IYD: variants seen among roughly 807,000 people sequenced by gnomAD.
IYD encodes iodotyrosine deiodinase.
IYD carries 25 observed loss-of-function variants against 28.4 expected under a neutral mutation model. The observed-to-expected ratio is 0.88, with a 90% CI of 0.64 to 1.23. The LOEUF is 1.23. Among genes scored for constraint, IYD ranks in the 50% most tolerant of loss-of-function variants. The pLI, the probability that IYD is intolerant of heterozygous loss-of-function variation, is 0.00. For synonymous variants in IYD, 140 were observed against 130.8 expected (o/e 1.07, Z -0.48); for missense variants, 352 against 357.9 (o/e 0.98, Z 0.13).
rs940865103 is a variant in IYD at position 150,401,419 on chromosome 6, C to T, written c.*3182C>T. The T allele has an allele frequency of 5.3e-5, 8 of 152,168 alleles. No individual in the cohort carries two copies. The highest frequency in any genetic ancestry group is 3.4e-3 in the Middle Eastern group (1 of 294). The allele number at this position is 152,168 out of a possible 1,614,324, so 9.4% of individuals were successfully genotyped here. On this transcript the variant is annotated 3_prime_UTR_variant, in exon 5 of 5. Transcript: ENST00000344419. ...AGAGGAAGGAAGCCCTTGGAAGGAA[C>T]GTAAAATCCATTTCAGCCTGCCGCC...
intron 1 of IYD, chr6:150,369,844 C>T: frequency 1.6e-6 from 1 of 638,870 alleles, no homozygotes. Context: ...GCTGGGAGGC[C>T]TGTCAGGCAA....
chr6:150,373,774 A>G (rs117270228), intron 1 of IYD, among the ~76,000 whole-genome samples: 6 of 152,328 alleles, frequency 3.9e-5, no homozygotes, highest in Non-Finnish European at 7.4e-5. Flanking sequence ...CTGCTCAGAG[A>G]GTCGAGCTTG....
Position 150,401,460 on chromosome 6 carries a change from T to A in IYD, c.*3223T>A, listed in dbSNP as rs1253257062. 1 of 151,884 alleles carries A rather than the reference T, an allele frequency of 6.6e-6. No homozygotes were observed. Among genetic ancestry groups the A allele is most frequent in the East Asian group, 1.9e-4 (1 of 5,158 alleles). 9.4% of individuals were successfully genotyped at this position (151,884 alleles called of 1,614,324 possible). On this transcript the variant is annotated 3_prime_UTR_variant, in exon 5 of 5. Coordinates refer to ENST00000344419, the MANE Select transcript of IYD (RefSeq NM_203395.3). ...GCCTGCCGCCCCTTGGAATGGAGGG[T>A]CTTCTAGGGACCAGAAACACCAGAC...
intron 1 of IYD, chr6:150,370,452 A>C: frequency 1.0e-6 from 1 of 981,294 alleles, no homozygotes; most frequent in Non-Finnish European, 1.2e-6. Flanking sequence ...TGTGTGCATG[A>C]GTGTGTGTCC....
intron 2 of IYD, 56 bp from the exon 3 acceptor site, chr6:150,392,289 G>T: frequency 6.2e-7 from 1 of 1,609,646 alleles, no homozygotes. Context: ...TCCTTAATTA[G>T]CAGTCTCACA....
rs2115070337 is a variant in IYD at position 150,400,567 on chromosome 6, AC to A, written c.*2332del. ...AAGAAGTTAATGGCATGGTGGAATAACCAAAATGTGTATCATTCTACAAAAA... is the reference window on the plus strand; with the variant it reads ...AAGAAGTTAATGGCATGGTGGAATAACAAAATGTGTATCATTCTACAAAAA... On this transcript the variant is annotated 3_prime_UTR_variant, in exon 5 of 5. Transcript: ENST00000344419. 1 of 150,306 alleles carries A rather than the reference AC, an allele frequency of 6.7e-6. No individual in the cohort carries two copies. Among genetic ancestry groups the A allele is most frequent in the South Asian group, 2.1e-4 (1 of 4,784 alleles). The allele number at this position is 150,306 out of a possible 1,614,324, so 9.3% of individuals were successfully genotyped here.
intron 1 of IYD, among the ~76,000 whole-genome samples, chr6:150,376,809 A>G (rs976268601): frequency 1.3e-5 from 2 of 152,104 alleles, no homozygotes; most frequent in African/African-American, 4.8e-5. Context: ...TTTTGTAAAG[A>G]CAGGGTCTCT....
At chr6:150,382,721 C>G (rs1271791397) in intron 1 of IYD, among the ~76,000 whole-genome samples, 3 of 152,198 alleles carry the variant, frequency 2.0e-5, no homozygotes, top group African/African-American at 7.2e-5. Context: ...TCCTCTTTAG[C>G]TGTGCCTACA....
At position 150,398,335 on chromosome 6, in the gene IYD, G is replaced by C; in HGVS notation, c.*98G>C. The stretch of plus-strand genomic sequence containing the variant: ...GGGTCTCTTGGCTGCTCTTTCTCCA[G>C]GTGTCAGGTCCCCTCATTGCTCTTC... On this transcript the variant is annotated 3_prime_UTR_variant, in exon 5 of 5. Coordinates refer to ENST00000344419, the MANE Select transcript of IYD (RefSeq NM_203395.3). 1 of 1,203,674 alleles carries C rather than the reference G, an allele frequency of 8.3e-7. No individual in the cohort carries two copies. The highest frequency in any genetic ancestry group is 1.8e-5 in the Admixed American group (1 of 55,790). 74.6% of individuals were successfully genotyped at this position (1,203,674 alleles called of 1,614,324 possible). A position where few individuals can be genotyped will look rare whatever the true frequency, so the allele number is the denominator to read the frequency against.
intron 1 of IYD, among the ~76,000 whole-genome samples, chr6:150,376,914 G>A (rs919516815): frequency 6.6e-6 from 1 of 152,106 alleles, no homozygotes; most frequent in Non-Finnish European, 1.5e-5. Flanking sequence ...GAGCCACTGG[G>A]CACATCCTAA....
At position 150,405,725 on chromosome 6, in the gene IYD, T is replaced by C. The variant is rs1778623306; in HGVS notation, c.*7488T>C. 6.6e-6 allele frequency: 1 copy of C among 152,128 alleles called. No homozygotes were observed. Among genetic ancestry groups the C allele is most frequent in the Non-Finnish European group, 1.5e-5 (1 of 68,030 alleles). 9.4% of individuals were successfully genotyped at this position (152,128 alleles called of 1,614,324 possible). On this transcript the variant is annotated 3_prime_UTR_variant, in exon 5 of 5. Transcript: ENST00000344419. ...CATTATTCAATTATCCCCCATCAGT[T>C]CTCTCCCATGACATGTGGGGATTAT...
chr6:150,383,351 C>T (rs1431822245), intron 1 of IYD, among the ~76,000 whole-genome samples: 2 of 152,148 alleles, frequency 1.3e-5, no homozygotes, highest in African/African-American at 4.8e-5. Context: ...CTCAGATCAA[C>T]CTCACAGCTG....
Position 150,401,636 on chromosome 6 carries a change from T to C in IYD, c.*3399T>C, listed in dbSNP as rs2211106. On this transcript the variant is annotated 3_prime_UTR_variant, in exon 5 of 5. Coordinates refer to ENST00000344419, the MANE Select transcript of IYD (RefSeq NM_203395.3). Reference sequence around the variant, plus strand: ...CTGCAGCCCCAAGCTCTTATTAACCTTCTTTTATGTGTTCATTAAATGCAG... The same window carrying C: ...CTGCAGCCCCAAGCTCTTATTAACCCTCTTTTATGTGTTCATTAAATGCAG... The C allele has an allele frequency of 0.2, 30,231 of 152,064 alleles. 3,213 individuals carry two copies. Among genetic ancestry groups the C allele is most frequent in the Middle Eastern group, 0.26 (78 of 296 alleles). 9.4% of individuals were successfully genotyped at this position (152,064 alleles called of 1,614,324 possible). A position where few individuals can be genotyped will look rare whatever the true frequency, so the allele number is the denominator to read the frequency against.
chr6:150,398,507 C>A lies in IYD; in HGVS notation c.*270C>A. 1 of 433,254 alleles carries A rather than the reference C, an allele frequency of 2.3e-6. No individual in the cohort carries two copies. The highest frequency in any genetic ancestry group is 4.1e-6 in the Non-Finnish European group (1 of 242,466). The allele number at this position is 433,254 out of a possible 1,614,324, so 26.8% of individuals were successfully genotyped here. A position where few individuals can be genotyped will look rare whatever the true frequency, so the allele number is the denominator to read the frequency against. On this transcript the variant is annotated 3_prime_UTR_variant, in exon 5 of 5. Coordinates refer to ENST00000344419, the MANE Select transcript of IYD (RefSeq NM_203395.3). ...TTTACATTTTAAAAGTTATTCTAGA[C>A]AATCACTATTGGCTTTTTTCTTTTA...
Position 150,405,838 on chromosome 6 carries a change from C to T in IYD, c.*7601C>T, listed in dbSNP as rs1385266986. ...ATTTCTGTGATTCTTTTATTCTGCA[C>T]ATCCAAATCCATGAGCAAGTTATAC... On this transcript the variant is annotated 3_prime_UTR_variant, in exon 5 of 5. Coordinates refer to ENST00000344419, the MANE Select transcript of IYD (RefSeq NM_203395.3). 2.0e-5 allele frequency: 3 copies of T among 152,198 alleles called. No individual in the cohort carries two copies. Among genetic ancestry groups the T allele is most frequent in the African/African-American group, 7.2e-5 (3 of 41,458 alleles). 9.4% of individuals were successfully genotyped at this position (152,198 alleles called of 1,614,324 possible). A position where few individuals can be genotyped will look rare whatever the true frequency, so the allele number is the denominator to read the frequency against.
At chr6:150,377,945 C>T (rs911742695) in intron 1 of IYD, among the ~76,000 whole-genome samples, 2 of 152,140 alleles carry the variant, frequency 1.3e-5, no homozygotes, top group Non-Finnish European at 2.9e-5. Context: ...ATGTTTATTA[C>T]CACTCCCCCA....
Position 150,392,338 on chromosome 6 carries a change from G to A in IYD, c.371-7G>A. 2 of 1,612,892 alleles carry A rather than the reference G, an allele frequency of 1.2e-6. No individual in the cohort carries two copies. Among genetic ancestry groups the A allele is most frequent in the South Asian group, 1.1e-5 (1 of 91,024 alleles). On this transcript the variant is annotated splice_region_variant and splice_polypyrimidine_tract_variant and intron_variant, in intron 2 of 4. Coordinates refer to ENST00000344419, the MANE Select transcript of IYD (RefSeq NM_203395.3). ...TTAATTTCTGATTTTAATGGAATGGGTGACAGGAACAGCCCCGAGTGGGGC... is the reference window on the plus strand; with the variant it reads ...TTAATTTCTGATTTTAATGGAATGGATGACAGGAACAGCCCCGAGTGGGGC...
intron 4 of IYD, among the ~76,000 whole-genome samples, chr6:150,397,569 C>CA (rs67591922): frequency 0.065 from 7,247 of 111,560 alleles, 398 homozygotes; most frequent in Middle Eastern, 0.12. Context: ...TACTTTGTCT[C>CA]AAAAAAAAAA....
chr6:150,371,620 A>G (rs1435398631), intron 1 of IYD, among the ~76,000 whole-genome samples: 2 of 152,136 alleles, frequency 1.3e-5, no homozygotes, highest in Non-Finnish European at 2.9e-5. Flanking sequence ...CTGATCACTT[A>G]CTTTTGCAAA....
Sources: gnomAD v4.1 joint callset for allele counts (sites outside exome capture counted in the v4.1 genomes callset) on GRCh38, gnomAD v4.1.1 for gene constraint, MANE v1.5 for transcripts, NCBI Gene and HGNC (gene_info 2026-07-23, HGNC 2026-07-21) for gene names.